The following PGK1 variants were observed in gnomAD, a reference collection of about 807,000 sequenced individuals.
PGK1 encodes phosphoglycerate kinase 1.
Under a neutral mutation model 26.9 loss-of-function variants are expected in PGK1, and 3 were observed. The observed-to-expected ratio is 0.11, with a 90% CI of 0.05 to 0.29. The LOEUF is 0.29. Ranked by LOEUF, PGK1 falls within the 10% of genes least tolerant of loss-of-function variation. The probability of loss-of-function intolerance (pLI) is 1.00; values close to 1 mark genes in which losing one functional copy is unlikely to be tolerated. For synonymous variants in PGK1, 125 were observed against 115.3 expected, an observed-to-expected ratio of 1.08 and a Z score of -0.54; for missense variants, 270 against 314.7, an observed-to-expected ratio of 0.86 and a Z score of 1.07.
intron 1 of PGK1, among the ~76,000 whole-genome samples, chrX:78,108,177 G>A (rs967038288): frequency 4.5e-5 from 5 of 111,549 alleles, no homozygotes; most frequent in African/African-American, 1.6e-4. Flanking sequence ...TGGCAGCTTG[G>A]ATAGATGAGA....
At chrX:78,116,174 G>A (rs797041444) in intron 4 of PGK1, among the ~76,000 whole-genome samples, 6 of 111,244 alleles carry the variant, frequency 5.4e-5, no homozygotes, top group South Asian at 7.5e-4. Flanking sequence ...TAAATAGTTC[G>A]TAAATGGAGG....
At chrX:78,114,560 T>C (rs1182563704) in intron 4 of PGK1, among the ~76,000 whole-genome samples, 1 of 98,729 alleles carries the variant, frequency 1.0e-5, no homozygotes, top group African/African-American at 4.2e-5. Flanking sequence ...TATCGACTTA[T>C]TTCATAAAGA....
rs1415695451 is a variant in PGK1, at chrX:78,104,291, C to T, written c.-50C>T. The T allele has an allele frequency of 3.1e-6, 3 of 972,010 alleles. No homozygotes were observed. The highest frequency in any genetic ancestry group is 4.4e-6 in the Non-Finnish European group (3 of 680,217). The allele number at this position is 972,010 out of a possible 1,213,427, so 80.1% of individuals were successfully genotyped here. A position where few individuals can be genotyped will look rare whatever the true frequency, so the allele number is the denominator to read the frequency against. ...CTCCGGAGCGCACGTCGGCAGTCGG[C>T]TCCCTCGTTGACCGAATCACCGACC... On this transcript the variant is annotated 5_prime_UTR_variant, in exon 1 of 11. Transcript: ENST00000373316.
rs782269575 is a variant in PGK1, at chrX:78,122,943, C to T, written c.750C>T (p.Asn250=). ...TTACCTTCCTTAAGGTGCTCAACAACATGGAGGTAGGAAACAAATGCCAAG... is the reference window on the plus strand; with the variant it reads ...TTACCTTCCTTAAGGTGCTCAACAATATGGAGGTAGGAAACAAATGCCAAG... ...MAFTFLKVLN[N]MEIGTSLFDE... The change falls in exon 7 of 11, where the codon AAC becomes AAT. Residue 250 remains asparagine, a synonymous_variant. Transcript: ENST00000373316. 4 of 1,101,891 alleles carry T rather than the reference C, an allele frequency of 3.6e-6. No homozygotes were observed. The highest frequency in any genetic ancestry group is 6.0e-5 in the East Asian group (2 of 33,463). 90.8% of individuals were successfully genotyped at this position (1,101,891 alleles called of 1,213,427 possible). A position where few individuals can be genotyped will look rare whatever the true frequency, so the allele number is the denominator to read the frequency against.
At chrX:78,106,394 G>A (rs2078272760) in intron 1 of PGK1, 1 of 747,910 alleles carries the variant, frequency 1.3e-6, no homozygotes, top group Non-Finnish European at 1.6e-6. Context: ...TTAGGCTGAG[G>A]ACAGGAAGTT....
intron 3 of PGK1, 44 bp downstream of exon 3, chrX:78,113,943 A>C (rs782473752): frequency 1.7e-6 from 2 of 1,205,718 alleles, no homozygotes; most frequent in Non-Finnish European, 2.2e-6. Context: ...TGGCGGGGGA[A>C]GTTGTCAAGC....
intron 6 of PGK1, among the ~76,000 whole-genome samples, chrX:78,118,535 C>T (rs1603397915): frequency 9.0e-6 from 1 of 110,508 alleles, no homozygotes; most frequent in African/African-American, 3.3e-5. Flanking sequence ...ACTGTGATCA[C>T]GCCACTGCAC....
At chrX:78,115,833 A>C (rs964568204) in intron 4 of PGK1, among the ~76,000 whole-genome samples, 1 of 111,309 alleles carries the variant, frequency 9.0e-6, no homozygotes, top group Non-Finnish European at 1.9e-5. Context: ...AAGAGCTTTC[A>C]ATTTACCCTG....
At position 78,126,089 on chromosome X, in the gene PGK1, A is replaced by G; in HGVS notation, c.*259A>G. On this transcript the variant is annotated 3_prime_UTR_variant, in exon 11 of 11. Transcript: ENST00000373316. ...TGCATTCTAGAGTGCATATATTTAT[A>G]TTTTGCCTGTTAAAAAGAAAGTGAG... is the stretch of plus-strand genomic sequence containing the variant. 2.6e-6 allele frequency: 1 copy of G among 391,091 alleles called. No individual in the cohort carries two copies. The highest frequency in any genetic ancestry group is 4.1e-5 in the East Asian group (1 of 24,548). 32.2% of individuals were successfully genotyped at this position (391,091 alleles called of 1,213,427 possible). A position where few individuals can be genotyped will look rare whatever the true frequency, so the allele number is the denominator to read the frequency against.
chrX:78,116,465 CCTT>C lies in PGK1; in HGVS notation c.418-846_418-844del, dbSNP rs1247737552. Among the ~76,000 whole-genome samples, 5 of 112,203 alleles carry C rather than the reference CCTT, an allele frequency of 4.5e-5. No homozygotes were observed. In the Admixed American group the frequency reaches 4.7e-4, roughly 11 times the overall value. On this transcript the variant is annotated intron_variant, in intron 4 of 10. Transcript: ENST00000373316. Reference sequence around the variant, plus strand: ...TTTTTTATGGCAGTCCCCTTCACCTCCTTGATACATAGGAGCATAGGAGTGGGC... The same window carrying C: ...TTTTTTATGGCAGTCCCCTTCACCTCGATACATAGGAGCATAGGAGTGGGC...
intron 2 of PGK1, 83 bp downstream of exon 2, chrX:78,110,000 TA>T: frequency 1.5e-6 from 1 of 647,458 alleles, no homozygotes; most frequent in Middle Eastern, 3.0e-4. Context: ...CATATTGTAT[TA>T]TGGAACTGTA....
chrX:78,125,813 G>A lies in PGK1; in HGVS notation c.1237G>A (p.Ala413Thr), dbSNP rs1474064335. Residue 413 changes from alanine (A) to threonine (T), a missense_variant, in exon 11 of 11, where the codon GCT (alanine) becomes ACT (threonine). Ala to Thr is a moderately conservative substitution (Grantham distance 58, BLOSUM62 0). Transcript: ENST00000373316. ...LEGKVLPGVD[A>T]LSNI ...AGGTAAAGTCCTTCCTGGGGTGGAT[G>A]CTCTCAGCAATATTTAGTACTTTCC... The A allele has an allele frequency of 1.7e-6, 2 of 1,203,091 alleles. No homozygotes were observed. Among genetic ancestry groups the A allele is most frequent in the Admixed American group, 2.2e-5 (1 of 46,061 alleles).
chrX:78,115,148 T>A, intron 4 of PGK1, among the ~76,000 whole-genome samples: 1 of 111,414 alleles, frequency 9.0e-6, no homozygotes. Context: ...GACCTAAAAT[T>A]TGGTGTCCTT....
At chrX:78,116,580 G>T (rs916166466) in intron 4 of PGK1, among the ~76,000 whole-genome samples, 2 of 111,981 alleles carry the variant, frequency 1.8e-5, no homozygotes, top group Admixed American at 1.9e-4. Flanking sequence ...GTGCCTCTTT[G>T]CTTAATCTCC....
At chrX:78,122,452 T>TGTGTG (rs2078360666) in intron 6 of PGK1, among the ~76,000 whole-genome samples, 7 of 93,497 alleles carry the variant, frequency 7.5e-5, no homozygotes, top group African/African-American at 1.7e-4. Context: ...TGTGTGTGTG[T>TGTGTG]TGGGGAATGT....
rs2078375326 is a variant in PGK1, at chrX:78,125,016, T to C, written c.1079T>C (p.Val360Ala). 8.3e-7 allele frequency: 1 copy of C among 1,208,618 alleles called. No individual in the cohort carries two copies. The highest frequency in any genetic ancestry group is 1.1e-6 in the Non-Finnish European group (1 of 894,218). Residue 360 changes from valine (V) to alanine (A), a missense_variant, in exon 9 of 11, where the codon GTG becomes GCG. Physicochemically the swap from Val to Ala is moderately conservative, Grantham distance 64. Coordinates refer to ENST00000373316, the MANE Select transcript of PGK1 (RefSeq NM_000291.4). ...ACCAAAGCTCTCATGGATGAGGTGGTGAAAGCCACTTCTAGGGGCTGCATC... is the reference window on the plus strand; with the variant it reads ...ACCAAAGCTCTCATGGATGAGGTGGCGAAAGCCACTTCTAGGGGCTGCATC... The part of the protein sequence containing the change: ...RGTKALMDEV[V>A]KATSRGCITI...
intron 1 of PGK1, among the ~76,000 whole-genome samples, chrX:78,108,415 A>C (rs1557246490): frequency 8.9e-6 from 1 of 112,641 alleles, no homozygotes; most frequent in East Asian, 2.8e-4. Flanking sequence ...TATTTAAAGA[A>C]GACAGAGAAT....
At chrX:78,116,051 G>C (rs1361019066) in intron 4 of PGK1, among the ~76,000 whole-genome samples, 1 of 108,845 alleles carries the variant, frequency 9.2e-6, no homozygotes, top group African/African-American at 3.4e-5. Flanking sequence ...GTAGAGACGG[G>C]GTCTTGCTAT....
rs1557247643 is a variant in PGK1, at chrX:78,118,114, C to A, written c.585C>A (p.Asn195Lys). ...GGTTTTTGATGAAGAAGGAGCTGAA[C>A]TACTTTGCAAAGGCCTTGGAGAGCC... ...AGGFLMKKEL[N>K]YFAKALESPE... Residue 195 changes from asparagine (N) to lysine (K), a missense_variant, in exon 6 of 11, where the codon AAC becomes AAA. Coordinates refer to ENST00000373316, the MANE Select transcript of PGK1 (RefSeq NM_000291.4). The A allele has an allele frequency of 8.3e-7, 1 of 1,208,654 alleles. No homozygotes were observed.
Sources: gnomAD v4.1 joint callset for allele counts (sites outside exome capture counted in the v4.1 genomes callset) on GRCh38, gnomAD v4.1.1 for gene constraint, MANE v1.5 for transcripts, NCBI Gene and HGNC (gene_info 2026-07-23, HGNC 2026-07-21) for gene names.